Variants in ADAMTSL1 observed in about 807,000 individuals in gnomAD.
The protein encoded by ADAMTSL1 is ADAMTS like 1, also known as ADAMTS-like protein 1.
Under a neutral mutation model 201.8 loss-of-function variants are expected in ADAMTSL1, and 126 were observed. The ratio of observed to expected loss-of-function variants is 0.62; its 90% CI spans 0.54 to 0.72. ADAMTSL1 has a LOEUF of 0.72. Among genes scored for constraint, ADAMTSL1 ranks in the 30% least tolerant of loss-of-function variants. The probability of loss-of-function intolerance (pLI) is 0.00; values close to 1 mark genes in which losing one functional copy is unlikely to be tolerated. For missense variants in ADAMTSL1, 2,679 were observed against 2,277.8 expected, an observed-to-expected ratio of 1.18 and a Z score of -3.59; for synonymous variants, 1,121 against 903.4, an observed-to-expected ratio of 1.24 and a Z score of -4.32.
intron 1 of ADAMTSL1, among the ~76,000 whole-genome samples, chr9:18,088,403 C>T (rs905359248): frequency 1.1e-4 from 16 of 152,118 alleles, no homozygotes; most frequent in African/African-American, 3.9e-4. Flanking sequence ...AGTCACACCA[C>T]ATCACACTGA....
At chr9:18,492,963 T>G (rs1483482113) in intron 1 of ADAMTSL1, among the ~76,000 whole-genome samples, 5 of 152,168 alleles carry the variant, frequency 3.3e-5, no homozygotes, top group Non-Finnish European at 7.3e-5. Context: ...ATTTTAAAAT[T>G]AAAAGTGCTC....
intron 4 of ADAMTSL1, among the ~76,000 whole-genome samples, chr9:18,575,883 C>T (rs912335079): frequency 1.3e-5 from 2 of 152,156 alleles, no homozygotes; most frequent in African/African-American, 4.8e-5. Context: ...GACAGCTCAG[C>T]AAATTAGGTT....
At chr9:18,238,956 C>T (rs2132439896) in intron 2 of ADAMTSL1, among the ~76,000 whole-genome samples, 1 of 152,302 alleles carries the variant, frequency 6.6e-6, no homozygotes, top group South Asian at 2.1e-4. Flanking sequence ...AAGTGAGTCA[C>T]ACAATTTTGT....
intron 1 of ADAMTSL1, among the ~76,000 whole-genome samples, chr9:17,981,488 C>G (rs1818692819): frequency 6.6e-6 from 1 of 152,166 alleles, no homozygotes; most frequent in South Asian, 2.1e-4. Context: ...ATCATGCTGC[C>G]TTATTTCCTG....
chr9:18,590,002 T>C (rs1823803194), intron 4 of ADAMTSL1, among the ~76,000 whole-genome samples: 1 of 152,206 alleles, frequency 6.6e-6, no homozygotes, highest in Non-Finnish European at 1.5e-5. Flanking sequence ...CATACGTTCA[T>C]GAAGGAGCTT....
chr9:18,259,817 T>G (rs1428646136), intron 2 of ADAMTSL1, among the ~76,000 whole-genome samples: 1 of 152,168 alleles, frequency 6.6e-6, no homozygotes, highest in Non-Finnish European at 1.5e-5. Context: ...TTATTTTTAT[T>G]CCTATTCATG....
At chr9:18,727,385 C>T (rs1352750546) in intron 15 of ADAMTSL1, among the ~76,000 whole-genome samples, 1 of 152,386 alleles carries the variant, frequency 6.6e-6, no homozygotes, top group Admixed American at 6.5e-5. Flanking sequence ...CTGGCATCCA[C>T]AGAAATTGAG....
chr9:18,058,805 C>A (rs977908461), intron 1 of ADAMTSL1, among the ~76,000 whole-genome samples: 1 of 152,112 alleles, frequency 6.6e-6, no homozygotes, highest in Non-Finnish European at 1.5e-5. Context: ...GGGATGTTTG[C>A]CTCTCATAAA....
At chr9:18,822,589 G>A (rs975608421) in intron 21 of ADAMTSL1, among the ~76,000 whole-genome samples, 13 of 152,082 alleles carry the variant, frequency 8.5e-5, no homozygotes, top group Admixed American at 7.2e-4. Context: ...GGGAACTGGG[G>A]GGAACAGAAA....
intron 1 of ADAMTSL1, among the ~76,000 whole-genome samples, chr9:18,501,346 A>G (rs1016438113): frequency 1.5e-4 from 23 of 152,134 alleles, no homozygotes; most frequent in African/African-American, 5.3e-4. Context: ...CCTCGTCTCT[A>G]TGAAAAATAC....
intron 2 of ADAMTSL1, among the ~76,000 whole-genome samples, chr9:18,293,321 A>G (rs1197455388): frequency 6.6e-6 from 1 of 152,222 alleles, no homozygotes; most frequent in African/African-American, 2.4e-5. Flanking sequence ...TTCAGCAATA[A>G]AACTTTATTT....
chr9:18,316,904 T>C (rs1423992958), intron 2 of ADAMTSL1, among the ~76,000 whole-genome samples: 3 of 151,670 alleles, frequency 2.0e-5, no homozygotes, highest in African/African-American at 7.3e-5. Flanking sequence ...GATAAAACAG[T>C]ATCTCAAAGG....
chr9:18,900,605 C>T (rs1829952229), intron 26 of ADAMTSL1, among the ~76,000 whole-genome samples: 1 of 152,118 alleles, frequency 6.6e-6, no homozygotes, highest in Non-Finnish European at 1.5e-5. Flanking sequence ...TAAAAAGGAA[C>T]AAGATCATGT....
At chr9:18,844,687 C>G (rs1825972705) in intron 23 of ADAMTSL1, among the ~76,000 whole-genome samples, 1 of 152,222 alleles carries the variant, frequency 6.6e-6, no homozygotes, top group Non-Finnish European at 1.5e-5. Context: ...GTGGTGGGCT[C>G]CACCCAGTTC....
At chr9:18,025,955 A>G (rs997376356) in intron 1 of ADAMTSL1, among the ~76,000 whole-genome samples, 2 of 152,094 alleles carry the variant, frequency 1.3e-5, no homozygotes, top group South Asian at 2.1e-4. Context: ...TTCTCCTTGT[A>G]GAGATCATTC....
At chr9:18,587,289 G>A (rs955499404) in intron 4 of ADAMTSL1, among the ~76,000 whole-genome samples, 26 of 152,062 alleles carry the variant, frequency 1.7e-4, no homozygotes, top group Admixed American at 6.6e-4. Flanking sequence ...TAAAAAGTGA[G>A]TAAAGGGCAT....
At chr9:18,513,070 G>A (rs988827202) in intron 2 of ADAMTSL1, among the ~76,000 whole-genome samples, 3 of 152,126 alleles carry the variant, frequency 2.0e-5, no homozygotes, top group African/African-American at 7.2e-5. Flanking sequence ...AGACTGAGCT[G>A]GGAAGGATCT....
At chr9:18,249,827 A>C (rs1195241617) in intron 2 of ADAMTSL1, among the ~76,000 whole-genome samples, 3 of 152,176 alleles carry the variant, frequency 2.0e-5, no homozygotes. Context: ...AGTTCAGGGC[A>C]GAGAGGTTGG....
chr9:18,619,343 A>G (rs1055956748), intron 4 of ADAMTSL1, among the ~76,000 whole-genome samples: 8 of 152,318 alleles, frequency 5.3e-5, no homozygotes, highest in East Asian at 1.9e-4. Flanking sequence ...AAAGTATTCC[A>G]CATTTTAAAA....
Sources: gnomAD v4.1 joint callset for allele counts (sites outside exome capture counted in the v4.1 genomes callset) on GRCh38, gnomAD v4.1.1 for gene constraint, MANE v1.5 for transcripts, NCBI Gene and HGNC (gene_info 2026-07-23, HGNC 2026-07-21) for gene names.